The following CALN1 variants were observed in gnomAD, a reference collection of about 807,000 sequenced individuals.
CALN1 encodes calneuron 1.
A neutral mutation model predicts 30.6 loss-of-function variants in CALN1; 17 were observed. The ratio of observed to expected loss-of-function variants is 0.56; its 90% CI spans 0.38 to 0.83. CALN1 has a LOEUF of 0.83. Among genes scored for constraint, CALN1 ranks in the 40% least tolerant of loss-of-function variants. The pLI is 0.00. For synonymous variants in CALN1, 156 were observed against 131.4 expected, an observed-to-expected ratio of 1.19 and a Z score of -1.28; for missense variants, 291 against 354.9, an observed-to-expected ratio of 0.82 and a Z score of 1.45.
At chr7:71,973,089 A>G (rs965312442) in intron 5 of CALN1, among the ~76,000 whole-genome samples, 11 of 152,328 alleles carry the variant, frequency 7.2e-5, no homozygotes, top group African/African-American at 2.4e-4. Context: ...TAACAGCAAC[A>G]TAAGTAGGTG....
At chr7:72,088,300 C>G (rs1805616141) in intron 4 of CALN1, among the ~76,000 whole-genome samples, 2 of 152,116 alleles carry the variant, frequency 1.3e-5, no homozygotes, top group Admixed American at 6.6e-5. Context: ...TGATTACATC[C>G]TAAGCCAAAT....
At chr7:72,121,029 G>A (rs1808337306) in intron 3 of CALN1, among the ~76,000 whole-genome samples, 1 of 149,874 alleles carries the variant, frequency 6.7e-6, no homozygotes, top group Non-Finnish European at 1.5e-5. Flanking sequence ...CTGTTTTGGG[G>A]GTGGAACGCT....
chr7:72,326,963 T>C (rs1801321433), intron 2 of CALN1, among the ~76,000 whole-genome samples: 1 of 152,206 alleles, frequency 6.6e-6, no homozygotes, highest in Non-Finnish European at 1.5e-5. Flanking sequence ...TCTAAACACA[T>C]ATTCATTCTT....
chr7:72,404,614 C>A (rs190695110), intron 1 of CALN1, among the ~76,000 whole-genome samples: 1 of 152,294 alleles, frequency 6.6e-6, no homozygotes, highest in East Asian at 1.9e-4. Flanking sequence ...GTCTCCATTT[C>A]TCACTACTTG....
At chr7:72,261,119 C>T in intron 3 of CALN1, among the ~76,000 whole-genome samples, 1 of 152,098 alleles carries the variant, frequency 6.6e-6, no homozygotes. Context: ...ACCAGCTGGG[C>T]CAACATAGTG....
intron 3 of CALN1, among the ~76,000 whole-genome samples, chr7:72,216,261 T>A (rs575459198): frequency 6.6e-6 from 1 of 151,636 alleles, no homozygotes; most frequent in East Asian, 1.9e-4. Flanking sequence ...CAAAAAATAA[T>A]AATAATAAAT....
chr7:72,135,792 TCTC>T (rs1809468657), intron 3 of CALN1, among the ~76,000 whole-genome samples: 1 of 152,112 alleles, frequency 6.6e-6, no homozygotes, highest in African/African-American at 2.4e-5. Flanking sequence ...GGCATTGACT[TCTC>T]CTACCCAGCT....
intron 4 of CALN1, among the ~76,000 whole-genome samples, chr7:72,035,501 C>A (rs1801742242): frequency 6.6e-6 from 1 of 152,198 alleles, no homozygotes; most frequent in South Asian, 2.1e-4. Flanking sequence ...TTTGTTTCCA[C>A]ATGCCTTAAG....
intron 3 of CALN1, among the ~76,000 whole-genome samples, chr7:72,238,316 T>C (rs760333213): frequency 1.3e-5 from 2 of 152,204 alleles, no homozygotes. Context: ...TCTATGAGAA[T>C]GAGTTGCAAA....
chr7:72,204,678 T>G (rs1360956311), intron 3 of CALN1, among the ~76,000 whole-genome samples: 1 of 152,210 alleles, frequency 6.6e-6, no homozygotes, highest in African/African-American at 2.4e-5. Flanking sequence ...ACAACAGTAC[T>G]TAACTCACAG....
intron 2 of CALN1, among the ~76,000 whole-genome samples, chr7:72,281,762 G>C (rs1455985675): frequency 6.6e-6 from 1 of 151,990 alleles, no homozygotes; most frequent in Non-Finnish European, 1.5e-5. Context: ...CTTTTACCTG[G>C]TTGTCTGCAG....
At chr7:72,054,431 ACG>A (rs571248249) in intron 4 of CALN1, among the ~76,000 whole-genome samples, 903 of 51,100 alleles carry the variant, frequency 0.018, 51 homozygotes, top group African/African-American at 0.075. Flanking sequence ...GTATATATAC[ACG>A]TATATATATA....
intron 5 of CALN1, among the ~76,000 whole-genome samples, chr7:71,947,998 G>A (rs1226416657): frequency 6.6e-6 from 1 of 151,980 alleles, no homozygotes; most frequent in Non-Finnish European, 1.5e-5. Context: ...AGGCAGGTAT[G>A]TAGGAAGATC....
At chr7:72,345,512 GGAGGAAGGAAAT>G (rs1161352552) in intron 2 of CALN1, among the ~76,000 whole-genome samples, 2 of 145,338 alleles carry the variant, frequency 1.4e-5, no homozygotes, top group Non-Finnish European at 3.0e-5. Flanking sequence ...AGGAAGGGAG[GGAGGAAGGAAAT>G]GAGGAAGGGA....
chr7:72,486,159 A>T, the CALN1 span, among the ~76,000 whole-genome samples: 1 of 152,298 alleles, frequency 6.6e-6, no homozygotes, highest in African/African-American at 2.4e-5. Flanking sequence ...CGGTAAAACA[A>T]TAAGTATTTA....
intron 2 of CALN1, among the ~76,000 whole-genome samples, chr7:72,323,896 T>C (rs1427044708): frequency 1.3e-5 from 2 of 151,348 alleles, no homozygotes; most frequent in African/African-American, 4.9e-5. Context: ...ACACAAAAAT[T>C]AGCCGGGTGC....
intron 5 of CALN1, among the ~76,000 whole-genome samples, chr7:71,868,558 G>C (rs954602795): frequency 3.9e-5 from 6 of 151,984 alleles, no homozygotes; most frequent in Non-Finnish European, 8.8e-5. Flanking sequence ...TTTTAGTAGA[G>C]ACAGGGTTTC....
At chr7:72,281,705 C>T (rs1797742977) in intron 2 of CALN1, among the ~76,000 whole-genome samples, 2 of 152,208 alleles carry the variant, frequency 1.3e-5, no homozygotes, top group East Asian at 3.8e-4. Context: ...TTCCACCATG[C>T]ATCACTCTAG....
At chr7:72,378,760 G>C (rs1239053115) in intron 2 of CALN1, among the ~76,000 whole-genome samples, 1 of 151,442 alleles carries the variant, frequency 6.6e-6, no homozygotes, top group Non-Finnish European at 1.5e-5. Context: ...TAGAGACGAA[G>C]TTTCACCATG....
Sources: allele counts gnomAD v4.1 joint callset (sites outside exome capture counted in the v4.1 genomes callset), GRCh38; gene constraint gnomAD v4.1.1; transcripts MANE v1.5; gene names NCBI Gene and HGNC (gene_info 2026-07-23, HGNC 2026-07-21).